Variants in SQSTM1 observed in about 807,000 individuals in gnomAD.
SQSTM1 encodes the protein sequestosome-1.
A neutral mutation model predicts 45.1 loss-of-function variants in SQSTM1; 36 were observed. That is an observed-to-expected ratio of 0.80 (90% CI 0.61 to 1.05). The LOEUF is 1.05. Ranked by LOEUF, SQSTM1 falls within the 50% of genes least tolerant of loss-of-function variation. The pLI is 0.00. For missense variants in SQSTM1, 617 were observed against 607.1 expected (o/e 1.02, Z -0.17); for synonymous variants, 290 against 244.3 (o/e 1.19, Z -1.74).
At chr5:179,820,884 C>T (rs1174178860), upstream of SQSTM1, 3 of 1,422,266 alleles carry the variant, frequency 2.1e-6, no homozygotes, top group Non-Finnish European at 2.8e-6. Context: ...CTACAAAAGC[C>T]GCGCGGCGGC....
chr5:179,829,295 G>C (rs1300014132), intron 5 of SQSTM1, among the ~76,000 whole-genome samples: 1 of 152,188 alleles, frequency 6.6e-6, no homozygotes, highest in African/African-American at 2.4e-5. Flanking sequence ...GAGGGAGGTT[G>C]AATGCCCCCA....
chr5:179,836,260 CTGCT>C (rs1758549414), intron 7 of SQSTM1, 172 bp from the exon 8 acceptor site: 3 of 797,842 alleles, frequency 3.8e-6, no homozygotes, highest in Admixed American at 2.0e-5. Context: ...GTGAAAAAGA[CTGCT>C]TGGCCCTTTA....
rs557567243 is a variant in SQSTM1, at chr5:179,833,560, G to C, written c.970-27G>C. 34 of 1,613,678 alleles carry C rather than the reference G, an allele frequency of 2.1e-5. 1 individual carries two copies. The highest frequency in any genetic ancestry group is 3.3e-4 in the Middle Eastern group (2 of 6,060). ...GCTTGGCCTGTTGCGCGTGTCTCCTGTGTGCTCATGGTGAGTTTTGTTCCA... is the reference window on the plus strand; with the variant it reads ...GCTTGGCCTGTTGCGCGTGTCTCCTCTGTGCTCATGGTGAGTTTTGTTCCA... On this transcript the variant is annotated intron_variant, in intron 6 of 7. Coordinates refer to ENST00000389805, the MANE Select transcript of SQSTM1 (RefSeq NM_003900.5).
At position 179,837,621 on chromosome 5, in the gene SQSTM1, T is replaced by TG. The variant is rs749671180; in HGVS notation, c.*1033dup. Reference sequence around the variant, plus strand: ...AGGCCTTCTCTTGAGGCCTGTGCTCTGGGGGTCCCTTGCTTAGCCTGTGCT... The same window carrying TG: ...AGGCCTTCTCTTGAGGCCTGTGCTCTGGGGGGTCCCTTGCTTAGCCTGTGCT... On this transcript the variant is annotated 3_prime_UTR_variant, in exon 8 of 8. Transcript: ENST00000389805. 80 of 1,614,208 alleles carry TG rather than the reference T, an allele frequency of 5.0e-5. No homozygotes were observed. The African/African-American group carries it at 6.4e-4, about 13-fold the overall frequency.
chr5:179,835,954 G>C (rs1758531817), intron 7 of SQSTM1: 1 of 237,570 alleles, frequency 4.2e-6, no homozygotes, highest in Non-Finnish European at 8.4e-6. Flanking sequence ...GCAATTGTGA[G>C]TTGTGCTGCT....
upstream of SQSTM1, among the ~76,000 whole-genome samples, chr5:179,815,370 T>C (rs1757549456): frequency 6.6e-6 from 1 of 151,034 alleles, no homozygotes; most frequent in Non-Finnish European, 1.5e-5. Context: ...TGAGCAGAGA[T>C]CAAGCCACTG....
chr5:179,812,281 T>A (rs890365424), intron 2 of SQSTM1: 6 of 149,334 alleles, frequency 4.0e-5, no homozygotes, highest in African/African-American at 1.5e-4. Context: ...CTCGGGCTCC[T>A]TCCAGGGCAG....
chr5:179,809,492 A>C (rs1677441523), intron 1 of SQSTM1, among the ~76,000 whole-genome samples: 1 of 151,372 alleles, frequency 6.6e-6, no homozygotes, highest in South Asian at 2.1e-4. Context: ...GCACGGCACC[A>C]AGCCCGGCTA....
chr5:179,821,574 G>C (rs950718430), intron 1 of SQSTM1: 1 of 457,648 alleles, frequency 2.2e-6, no homozygotes, highest in Non-Finnish European at 4.4e-6. Context: ...ATAATGCCCT[G>C]GAGGAGCCGG....
rs1757192073 is a variant in SQSTM1 at position 179,806,915 on chromosome 5, G to C, written c.-157+324G>C. 6.6e-6 allele frequency: 1 copy of C among 150,728 alleles called. No individual in the cohort carries two copies. Among genetic ancestry groups the C allele is most frequent in the Non-Finnish European group, 1.5e-5 (1 of 67,674 alleles). The allele number at this position is 150,728 out of a possible 1,614,324, so 9.3% of individuals were successfully genotyped here. The stretch of plus-strand genomic sequence containing the variant: ...GCCGGGCCGGGCCGGGCTGGGCTGG[G>C]CTGGGCGGCGAGAGCCGCGGCCCGG... On this transcript the variant is annotated intron_variant, in intron 1 of 5. Coordinates refer to the SQSTM1 transcript ENST00000514093. This position sits in a 1 kb window ranked among gnomAD's most constrained non-coding sequence, Gnocchi z 4.6.
At chr5:179,834,249 G>A (rs61300317) in intron 7 of SQSTM1, among the ~76,000 whole-genome samples, 2 of 99,750 alleles carry the variant, frequency 2.0e-5, no homozygotes, top group Non-Finnish European at 2.0e-5. Context: ...GGGGGTGGGG[G>A]GTGGGGACAG....
At chr5:179,833,383 G>C (rs1299101079) in intron 6 of SQSTM1, 137 bp downstream of exon 6, 2 of 1,044,630 alleles carry the variant, frequency 1.9e-6, no homozygotes, top group Non-Finnish European at 2.8e-6. Flanking sequence ...AGTGATGTCT[G>C]TGCCATTAAA....
chr5:179,817,684 C>G (rs1757625901), upstream of SQSTM1, among the ~76,000 whole-genome samples: 1 of 152,190 alleles, frequency 6.6e-6, no homozygotes, highest in African/African-American at 2.4e-5. Context: ...TGCCTCTTGC[C>G]TGGGCTTTGG....
chr5:179,816,769 C>G (rs1184501481), upstream of SQSTM1, among the ~76,000 whole-genome samples: 1 of 150,000 alleles, frequency 6.7e-6, no homozygotes, highest in Non-Finnish European at 1.5e-5. Context: ...TTCCTCCAGC[C>G]CCCCTCCCTA....
intron 1 of SQSTM1, chr5:179,822,527 C>T: frequency 3.4e-6 from 1 of 295,914 alleles, no homozygotes; most frequent in Non-Finnish European, 6.7e-6. Flanking sequence ...TTCTCCTTTA[C>T]TCCCAAGCCA....
In SQSTM1 at chr5:179,824,069, C is replaced by G. The variant is rs199931327; in HGVS notation, c.513C>G (p.Pro171=). The G allele has an allele frequency of 1.4e-4, 228 of 1,613,806 alleles. No homozygotes were observed. Among genetic ancestry groups the G allele is most frequent in the Admixed American group, 1.8e-4 (11 of 60,010 alleles). The change falls in exon 3 of 8, where the codon CCC becomes CCG. Residue 171 remains proline, a synonymous_variant. Transcript: ENST00000389805. ...RGHTKLAFPS[P]FGHLSEGFSH... ...ACACCAAGCTCGCATTCCCCAGCCCCTTCGGGCACCTGTCTGAGGTGAGCA... is the reference window on the plus strand; with the variant it reads ...ACACCAAGCTCGCATTCCCCAGCCCGTTCGGGCACCTGTCTGAGGTGAGCA...
intron 5 of SQSTM1, among the ~76,000 whole-genome samples, chr5:179,831,821 G>A (rs1318068211): frequency 6.7e-6 from 1 of 148,844 alleles, no homozygotes; most frequent in Non-Finnish European, 1.5e-5. Context: ...GTCTTGCTCT[G>A]TCACCAGGCT....
upstream of SQSTM1, among the ~76,000 whole-genome samples, chr5:179,816,370 G>A (rs1757577405): frequency 6.6e-6 from 1 of 152,050 alleles, no homozygotes; most frequent in Non-Finnish European, 1.5e-5. Flanking sequence ...GGCTGGTCTC[G>A]AACTCCTGAC....
rs1757919800 is a variant in SQSTM1, at chr5:179,824,468, T to G, written c.673+145T>G. ...GTGCCCTACAATCACACAAGAACCC[T>G]GCAAAGTGGGGTGTATTCTCTCCAT... On this transcript the variant is annotated intron_variant, in intron 4 of 7. Coordinates refer to ENST00000389805, the MANE Select transcript of SQSTM1 (RefSeq NM_003900.5). 3 of 1,248,238 alleles carry G rather than the reference T, an allele frequency of 2.4e-6. No homozygotes were observed. In the East Asian group the frequency reaches 7.4e-5, roughly 31 times the overall value. 77.3% of individuals were successfully genotyped at this position (1,248,238 alleles called of 1,614,324 possible).
Sources: gnomAD v4.1 joint callset for allele counts (sites outside exome capture counted in the v4.1 genomes callset) on GRCh38, gnomAD v4.1.1 for gene constraint, Gnocchi (gnomAD v3.1) non-coding constraint, MANE v1.5 for transcripts, NCBI Gene and HGNC (gene_info 2026-07-23, HGNC 2026-07-21) for gene names.